Variants in ENAH observed in about 807,000 individuals in gnomAD.
ENAH encodes protein enabled homolog.
ENAH carries 23 observed loss-of-function variants against 78.7 expected under a neutral mutation model. The observed-to-expected ratio is 0.29, with a 90% CI of 0.21 to 0.41. The LOEUF is 0.41. Ranked by LOEUF, ENAH falls within the 10% of genes least tolerant of loss-of-function variation. ENAH has a pLI of 1.00. For synonymous variants in ENAH, 226 were observed against 241.0 expected, an observed-to-expected ratio of 0.94 and a Z score of 0.58; for missense variants, 544 against 691.0, an observed-to-expected ratio of 0.79 and a Z score of 2.39.
At chr1:225,532,509 G>A (rs2096542910) in intron 3 of ENAH, among the ~76,000 whole-genome samples, 1 of 151,962 alleles carries the variant, frequency 6.6e-6, no homozygotes, top group Non-Finnish European at 1.5e-5. Context: ...TAGGACAGGT[G>A]TTATATATCA....
intron 4 of ENAH, among the ~76,000 whole-genome samples, chr1:225,526,791 T>C (rs2096509038): frequency 6.6e-6 from 1 of 152,256 alleles, no homozygotes; most frequent in Admixed American, 6.5e-5. Context: ...TTGCAGTATA[T>C]TTTTAGGTTT....
intron 1 of ENAH, among the ~76,000 whole-genome samples, chr1:225,605,047 A>C (rs2096950152): frequency 6.6e-6 from 1 of 152,250 alleles, no homozygotes; most frequent in African/African-American, 2.4e-5. Flanking sequence ...CCACTGACTC[A>C]GCAGATTACA....
At chr1:225,624,706 T>C (rs1362179199) in intron 1 of ENAH, among the ~76,000 whole-genome samples, 1 of 152,242 alleles carries the variant, frequency 6.6e-6, no homozygotes, top group Non-Finnish European at 1.5e-5. Flanking sequence ...GGTGCAGGTC[T>C]GTAATCTTAG....
intron 1 of ENAH, among the ~76,000 whole-genome samples, chr1:225,605,727 G>C (rs1391226905): frequency 6.6e-6 from 1 of 152,150 alleles, no homozygotes; most frequent in Non-Finnish European, 1.5e-5. Context: ...AGAGGTAACT[G>C]AGGTAAACTG....
intron 4 of ENAH, among the ~76,000 whole-genome samples, chr1:225,520,910 AAGGAAGGGAGGAAGGGAGGGAGGGAGGG>A (rs1375352641): frequency 6.3e-5 from 7 of 111,320 alleles, no homozygotes; most frequent in Admixed American, 4.6e-4. Context: ...AAAAGAAGGG[AAGGAAGGGAGGAAGGGAGGGAGGGAGGG>A]AGGGAGGGAG....
At chr1:225,636,021 C>A (rs900517019) in intron 1 of ENAH, among the ~76,000 whole-genome samples, 2 of 152,210 alleles carry the variant, frequency 1.3e-5, no homozygotes, top group East Asian at 3.8e-4. Context: ...GTTGGCCTTA[C>A]AATTTTCAGA....
intron 3 of ENAH, among the ~76,000 whole-genome samples, chr1:225,542,241 G>A (rs185584616): frequency 1.3e-5 from 2 of 152,276 alleles, no homozygotes; most frequent in East Asian, 1.9e-4. Context: ...TATGAATAAC[G>A]CCAACATGAC....
intron 12 of ENAH, among the ~76,000 whole-genome samples, chr1:225,498,684 G>C (rs914341133): frequency 6.6e-6 from 1 of 152,212 alleles, no homozygotes; most frequent in Non-Finnish European, 1.5e-5. Context: ...GAGTCAGATA[G>C]TTTCTAGAAA....
At chr1:225,556,092 A>C (rs2096665491) in intron 2 of ENAH, among the ~76,000 whole-genome samples, 1 of 152,150 alleles carries the variant, frequency 6.6e-6, no homozygotes, top group Non-Finnish European at 1.5e-5. Flanking sequence ...TGTATAAATC[A>C]TATTTATTTA....
At chr1:225,594,929 T>C (rs529134177) in intron 1 of ENAH, among the ~76,000 whole-genome samples, 1 of 151,920 alleles carries the variant, frequency 6.6e-6, no homozygotes, top group Non-Finnish European at 1.5e-5. Flanking sequence ...CAAGAAAAAA[T>C]AGGTATACAG....
chr1:225,556,382 G>A (rs1432069432), intron 2 of ENAH, among the ~76,000 whole-genome samples: 2 of 152,154 alleles, frequency 1.3e-5, no homozygotes, highest in Non-Finnish European at 2.9e-5. Flanking sequence ...AACTGGTACT[G>A]TCAGTCTTTA....
chr1:225,529,662 A>G (rs1299274321), intron 4 of ENAH, among the ~76,000 whole-genome samples: 1 of 152,160 alleles, frequency 6.6e-6, no homozygotes, highest in Non-Finnish European at 1.5e-5. Context: ...TGCCTGTGAC[A>G]TAAATAAATG....
intron 11 of ENAH, among the ~76,000 whole-genome samples, chr1:225,507,579 A>G (rs2096343106): frequency 2.0e-5 from 3 of 152,134 alleles, no homozygotes; most frequent in African/African-American, 4.8e-5. Context: ...GGATAGGTAG[A>G]TATTTAAGAC....
intron 1 of ENAH, among the ~76,000 whole-genome samples, chr1:225,625,109 G>T (rs1345886802): frequency 6.6e-6 from 1 of 152,162 alleles, no homozygotes; most frequent in Non-Finnish European, 1.5e-5. Flanking sequence ...CTGAGCGATA[G>T]ACTTAATTTC....
At chr1:225,552,320 A>G (rs544259581) in intron 3 of ENAH, among the ~76,000 whole-genome samples, 1 of 151,486 alleles carries the variant, frequency 6.6e-6, no homozygotes, top group Non-Finnish European at 1.5e-5. Context: ...TGTATTTTTT[A>G]GTAGAGACAG....
rs184429080 is a variant in ENAH, at chr1:225,514,110, T to C, written c.1218+486A>G. On this transcript the variant is annotated intron_variant, in intron 7 of 13. Transcript: ENST00000366843. Reference sequence around the variant, plus strand: ...GTAGGTGATGAATTTATAGAAATTATTTATACTATTCTTACAACTTCACTA... The same window carrying C: ...GTAGGTGATGAATTTATAGAAATTACTTATACTATTCTTACAACTTCACTA... Among the ~76,000 whole-genome samples the C allele has an allele frequency of 5.0e-3, 761 of 152,320 alleles. 4 individuals carry two copies. The highest frequency in any genetic ancestry group is 7.9e-3 in the Non-Finnish European group (536 of 68,024).
Position 225,642,852 on chromosome 1 carries a change from C to T in ENAH, c.5+9834G>A, listed in dbSNP as rs1202772943. Among the ~76,000 whole-genome samples the T allele has an allele frequency of 2.0e-5, 3 of 152,018 alleles. No individual in the cohort carries two copies. The East Asian group carries it at 5.8e-4, about 29-fold the overall frequency. On this transcript the variant is annotated intron_variant, in intron 1 of 13. Transcript: ENST00000366843. Reference sequence around the variant, plus strand: ...CTGTCCAATAAACAAACAAAGAGACCCTACAGGTAATCAAAGAAATACAAA... The same window carrying T: ...CTGTCCAATAAACAAACAAAGAGACTCTACAGGTAATCAAAGAAATACAAA...
intron 1 of ENAH, among the ~76,000 whole-genome samples, chr1:225,600,904 T>A (rs2096927377): frequency 6.6e-6 from 1 of 152,046 alleles, no homozygotes; most frequent in Non-Finnish European, 1.5e-5. Context: ...AAAGAAAGAA[T>A]ATTAATTGGT....
Position 225,517,318 on chromosome 1 carries a change from G to A in ENAH, c.803-12C>T, listed in dbSNP as rs1414250106. 6 of 1,551,724 alleles carry A rather than the reference G, an allele frequency of 3.9e-6. No homozygotes were observed. The Admixed American group carries it at 1.2e-4, about 30-fold the overall frequency. Reference sequence around the variant, plus strand: ...AGAGGCAGGGGCAGCTGCAGAGGGAGAAGGGAGAACACTAGGCTTGGATGA... The same window carrying A: ...AGAGGCAGGGGCAGCTGCAGAGGGAAAAGGGAGAACACTAGGCTTGGATGA... On this transcript the variant is annotated splice_polypyrimidine_tract_variant and intron_variant, in intron 5 of 13. Transcript: ENST00000366843.
Sources: allele counts gnomAD v4.1 joint callset (sites outside exome capture counted in the v4.1 genomes callset), GRCh38; gene constraint gnomAD v4.1.1; transcripts MANE v1.5; gene names NCBI Gene and HGNC (gene_info 2026-07-23, HGNC 2026-07-21).